Variants in MDGA2 observed in about 807,000 individuals in gnomAD.
MDGA2 encodes the protein MAM domain containing glycosylphosphatidylinositol anchor 2.
Under a neutral mutation model 117.8 loss-of-function variants are expected in MDGA2, and 40 were observed. That is an observed-to-expected ratio of 0.34 (90% CI 0.26 to 0.44). MDGA2 has a LOEUF of 0.44. Among genes scored for constraint, MDGA2 ranks in the 20% least tolerant of loss-of-function variants. The pLI, the probability that MDGA2 is intolerant of heterozygous loss-of-function variation, is 1.00. For synonymous variants in MDGA2, 452 were observed against 439.0 expected (o/e 1.03, Z -0.37); for missense variants, 1,123 against 1,250.6 (o/e 0.90, Z 1.54).
At chr14:46,949,812 A>T (rs892115730) in intron 9 of MDGA2, among the ~76,000 whole-genome samples, 1 of 151,956 alleles carries the variant, frequency 6.6e-6, no homozygotes, top group African/African-American at 2.4e-5. Flanking sequence ...TGCAATAAAC[A>T]TAGGAGTTGA....
At chr14:47,033,016 A>G (rs1258777572) in intron 8 of MDGA2, among the ~76,000 whole-genome samples, 1 of 152,112 alleles carries the variant, frequency 6.6e-6, no homozygotes, top group South Asian at 2.1e-4. Context: ...TATCATTTTT[A>G]CCTACATTAA....
chr14:46,886,840 G>A (rs1037409544), intron 10 of MDGA2, among the ~76,000 whole-genome samples: 4 of 151,846 alleles, frequency 2.6e-5, no homozygotes, highest in African/African-American at 9.7e-5. Context: ...TGTTCTAAAT[G>A]TTGATGTTCT....
At chr14:47,307,716 TGAA>T (rs34431961) in intron 1 of MDGA2, among the ~76,000 whole-genome samples, 13,410 of 151,442 alleles carry the variant, frequency 0.089, 709 homozygotes, top group Non-Finnish European at 0.11. Context: ...GAAAAAAATA[TGAA>T]GATTTGAAGA....
At chr14:47,297,491 T>TGGGGA (rs1889115360) in intron 2 of MDGA2, among the ~76,000 whole-genome samples, 1 of 7,062 alleles carries the variant, frequency 1.4e-4, no homozygotes, top group Non-Finnish European at 2.9e-4. Context: ...AGTGGAGGGG[T>TGGGGA]GTGAAGGGAA....
chr14:47,434,792 T>C lies in MDGA2; in HGVS notation c.281-133242A>G, dbSNP rs573877138. On this transcript the variant is annotated intron_variant, in intron 1 of 16. Transcript: ENST00000399232. ...TGGTGTGCATAAATTTTGATTTGGT[T>C]AATCTGAACCCCACTATTTCAAGAT... 2.6e-5 allele frequency among the ~76,000 whole-genome samples: 4 copies of C among 152,238 alleles called. No individual in the cohort carries two copies. The South Asian group carries it at 8.3e-4, about 32-fold the overall frequency.
intron 1 of MDGA2, among the ~76,000 whole-genome samples, chr14:47,515,635 A>T (rs1594895301): frequency 6.6e-6 from 1 of 152,278 alleles, no homozygotes; most frequent in Middle Eastern, 3.4e-3. Flanking sequence ...TCTCAGAATA[A>T]TATGCTCAGC....
intron 1 of MDGA2, among the ~76,000 whole-genome samples, chr14:47,497,382 G>A (rs1894303649): frequency 6.6e-6 from 1 of 152,034 alleles, no homozygotes; most frequent in Non-Finnish European, 1.5e-5. Context: ...TCAGTCTCCT[G>A]AGTAACTGAG....
At chr14:47,641,803 T>C (rs1489633594) in intron 1 of MDGA2, among the ~76,000 whole-genome samples, 2 of 152,166 alleles carry the variant, frequency 1.3e-5, no homozygotes, top group African/African-American at 2.4e-5. Context: ...TGTCAGGCAC[T>C]GCATATAAAA....
rs577570951 is a variant in MDGA2, at chr14:47,223,524, C to T, written c.421-5329G>A. Among the ~76,000 whole-genome samples, 24 of 152,140 alleles carry T rather than the reference C, an allele frequency of 1.6e-4. No homozygotes were observed. The South Asian group carries it at 4.6e-3, about 29-fold the overall frequency. On this transcript the variant is annotated intron_variant, in intron 2 of 16. Coordinates refer to ENST00000399232, the MANE Select transcript of MDGA2 (RefSeq NM_001113498.3). ...TTCTAGAAGCTGCCTCATGACACTG[C>T]TTATATGATATGGTTATTCTTCCTT...
In MDGA2 at chr14:46,855,828, A is replaced by T. The variant is rs1352729363; in HGVS notation, c.2753-674T>A. Among the ~76,000 whole-genome samples, 1 of 152,126 alleles carries T rather than the reference A, an allele frequency of 6.6e-6. No homozygotes were observed. The highest frequency in any genetic ancestry group is 1.5e-5 in the Non-Finnish European group (1 of 67,996). ...ATAACTTGCTCAGAGTTGGACTCTA[A>T]TTCTGTCGTCTTATATTATCATTTA... On this transcript the variant is annotated intron_variant, in intron 14 of 16. Transcript: ENST00000399232. The surrounding 1 kb of genome is among the most constrained non-coding windows in gnomAD (Gnocchi z 4.1).
chr14:47,468,687 T>C (rs1893654890), intron 1 of MDGA2, among the ~76,000 whole-genome samples: 2 of 151,938 alleles, frequency 1.3e-5, no homozygotes, highest in South Asian at 4.1e-4. Flanking sequence ...AAATAAGGAG[T>C]TAAATAGTAT....
chr14:47,311,737 T>C (rs983686040), intron 1 of MDGA2, among the ~76,000 whole-genome samples: 5 of 152,146 alleles, frequency 3.3e-5, no homozygotes, highest in African/African-American at 1.2e-4. Context: ...GATCATGTGT[T>C]TTTTATTTCC....
At chr14:47,469,426 T>G (rs1178151399) in intron 1 of MDGA2, among the ~76,000 whole-genome samples, 4 of 152,274 alleles carry the variant, frequency 2.6e-5, no homozygotes, top group African/African-American at 9.6e-5. Context: ...GTCCTTGCAA[T>G]AGTTTGCTGA....
At chr14:47,226,894 A>T (rs1319885915) in intron 2 of MDGA2, among the ~76,000 whole-genome samples, 1 of 152,072 alleles carries the variant, frequency 6.6e-6, no homozygotes, top group African/African-American at 2.4e-5. Context: ...ATGTGCTATT[A>T]TATACTGGGA....
intron 1 of MDGA2, among the ~76,000 whole-genome samples, chr14:47,523,207 T>A (rs1343815531): frequency 6.6e-6 from 1 of 152,128 alleles, no homozygotes; most frequent in Admixed American, 6.5e-5. Context: ...ATCAAGTCCA[T>A]ATTTCTCGCT....
intron 10 of MDGA2, among the ~76,000 whole-genome samples, chr14:46,913,637 T>A (rs930818971): frequency 3.9e-5 from 6 of 152,202 alleles, no homozygotes; most frequent in African/African-American, 1.4e-4. Context: ...TTACTTTTTA[T>A]TAGTAATTAG....
rs1439827268 is a variant in MDGA2, at chr14:47,050,012, C to G, written c.1525+11237G>C. 3.3e-5 allele frequency among the ~76,000 whole-genome samples: 5 copies of G among 152,092 alleles called. No individual in the cohort carries two copies. In the East Asian group the frequency reaches 7.7e-4, roughly 24 times the overall value. ...GCTCCAATTCCTTAGTCAAATAGGT[C>G]AGAAGGCAGATACAATGTGATTTGA... On this transcript the variant is annotated intron_variant, in intron 7 of 16. Transcript: ENST00000399232.
chr14:47,661,484 G>T (rs1212076268), intron 1 of MDGA2, among the ~76,000 whole-genome samples: 1 of 152,106 alleles, frequency 6.6e-6, no homozygotes, highest in Non-Finnish European at 1.5e-5. Context: ...CTTAAGTTTT[G>T]TTTGTGCATG....
chr14:47,452,283 G>A (rs897950655), intron 1 of MDGA2, among the ~76,000 whole-genome samples: 2 of 151,970 alleles, frequency 1.3e-5, no homozygotes, highest in African/African-American at 4.8e-5. Context: ...TAAATAGATT[G>A]GATGGCCTGT....
Sources: allele counts gnomAD v4.1 joint callset (sites outside exome capture counted in the v4.1 genomes callset), GRCh38; gene constraint gnomAD v4.1.1; non-coding constraint Gnocchi (gnomAD v3.1); transcripts MANE v1.5; gene names NCBI Gene and HGNC (gene_info 2026-07-23, HGNC 2026-07-21).